Variants in TMPRSS9 observed in about 807,000 individuals in gnomAD.
TMPRSS9 encodes transmembrane serine protease 9.
TMPRSS9 carries 113 observed loss-of-function variants against 111.4 expected under a neutral mutation model. The ratio of observed to expected loss-of-function variants is 1.01; its 90% CI spans 0.87 to 1.19. The LOEUF is 1.19. Among genes scored for constraint, TMPRSS9 ranks in the 50% most tolerant of loss-of-function variants. The probability of loss-of-function intolerance (pLI) is 0.00; values close to 1 mark genes in which losing one functional copy is unlikely to be tolerated. For missense variants in TMPRSS9, 1,803 were observed against 1,513.1 expected, an observed-to-expected ratio of 1.19 and a Z score of -3.18; for synonymous variants, 805 against 659.1, an observed-to-expected ratio of 1.22 and a Z score of -3.39.
chr19:2,416,957 C>T (rs935007815), intron 12 of TMPRSS9, 148 bp downstream of exon 13: 3 of 1,114,520 alleles, frequency 2.7e-6, no homozygotes, highest in African/African-American at 3.2e-5. Context: ...TTTGGTCCCG[C>T]TGCCCACACA....
chr19:2,424,728 C>G (rs1385893543), intron 15 of TMPRSS9, among the ~76,000 whole-genome samples: 1 of 152,128 alleles, frequency 6.6e-6, no homozygotes, highest in Non-Finnish European at 1.5e-5. Context: ...CTCTGCAGGG[C>G]TGGAGGTCAG....
chr19:2,385,150 A>AGCTCGCGGAGGGCGGG (rs1306787550), upstream of TMPRSS9, among the ~76,000 whole-genome samples: 1 of 119,420 alleles, frequency 8.4e-6, no homozygotes, highest in Non-Finnish European at 1.7e-5. Context: ...CAGGGGGCGG[A>AGCTCGCGGAGGGCGGG]GCTCGCGGAG....
intron 1 of TMPRSS9, among the ~76,000 whole-genome samples, chr19:2,395,532 G>A (rs1004708561): frequency 2.0e-5 from 3 of 152,092 alleles, no homozygotes; most frequent in African/African-American, 7.2e-5. Flanking sequence ...TTTGAGACCA[G>A]CCTGGCCAAC....
chr19:2,381,505 A>T (rs1970384606), intron 1 of TMPRSS9, among the ~76,000 whole-genome samples: 1 of 151,920 alleles, frequency 6.6e-6, no homozygotes, highest in African/African-American at 2.4e-5. Flanking sequence ...GTCTGAAGGC[A>T]GTTCAACTCA....
intron 4 of TMPRSS9, among the ~76,000 whole-genome samples, chr19:2,399,850 A>T (rs1970792995): frequency 6.6e-6 from 1 of 151,524 alleles, no homozygotes; most frequent in Non-Finnish European, 1.5e-5. Context: ...CTCCCGACTC[A>T]CTCCCGAGTA....
At chr19:2,421,020 C>T (rs999469993) in intron 13 of TMPRSS9, among the ~76,000 whole-genome samples, 19 of 151,990 alleles carry the variant, frequency 1.3e-4, no homozygotes, top group African/African-American at 4.1e-4. Flanking sequence ...GCCTGGCCGA[C>T]GTGGTGAAGC....
chr19:2,408,107 CTG>C (rs1971009400), intron 7 of TMPRSS9, among the ~76,000 whole-genome samples: 1 of 143,718 alleles, frequency 7.0e-6, no homozygotes, highest in South Asian at 2.2e-4. Flanking sequence ...TTTTTAAAGA[CTG>C]TGTTTCGCTA....
At chr19:2,422,066 C>A in exon 14 of TMPRSS9, 1 of 1,610,688 alleles carries the variant, frequency 6.2e-7, no homozygotes, top group South Asian at 1.1e-5. Flanking sequence ...CCACCACCAG[C>A]CCCAGGACGA....
At chr19:2,363,265 G>C (rs1385654016) in intron 1 of TMPRSS9, among the ~76,000 whole-genome samples, 1 of 152,184 alleles carries the variant, frequency 6.6e-6, no homozygotes, top group African/African-American at 2.4e-5. Flanking sequence ...GGAGCTTGGA[G>C]AGTCCTTAGG....
intron 1 of TMPRSS9, among the ~76,000 whole-genome samples, chr19:2,393,620 C>G (rs569420043): frequency 1.3e-5 from 2 of 152,234 alleles, no homozygotes; most frequent in South Asian, 4.1e-4. Context: ...TTAGCCAGGG[C>G]CAGGCATAGT....
At chr19:2,370,996 T>C (rs1970285407) in intron 1 of TMPRSS9, among the ~76,000 whole-genome samples, 1 of 152,052 alleles carries the variant, frequency 6.6e-6, no homozygotes, top group Admixed American at 6.6e-5. Context: ...ATTATGTATC[T>C]TGATGACCGA....
chr19:2,378,336 G>A (rs548403276), intron 1 of TMPRSS9, among the ~76,000 whole-genome samples: 5 of 152,314 alleles, frequency 3.3e-5, no homozygotes, highest in East Asian at 1.9e-4. Flanking sequence ...TTTCAGTGCT[G>A]AACAGGGACA....
chr19:2,418,225 AT>A (rs984350108), intron 13 of TMPRSS9, 87 bp downstream of exon 14: 4 of 1,326,222 alleles, frequency 3.0e-6, no homozygotes, highest in Admixed American at 4.2e-5. Flanking sequence ...GCAGACCTAG[AT>A]TTTTTTCCTT....
At chr19:2,426,067 A>G in exon 18 of TMPRSS9, 14 of 1,608,634 alleles carry the variant, frequency 8.7e-6, no homozygotes, top group Non-Finnish European at 1.2e-5. Context: ...GAGGCTGGAT[A>G]GGACAGCACA....
intron 8 of TMPRSS9, among the ~76,000 whole-genome samples, chr19:2,409,564 G>T (rs1971052469): frequency 6.6e-6 from 1 of 152,118 alleles, no homozygotes; most frequent in African/African-American, 2.4e-5. Flanking sequence ...CTGACAGAGG[G>T]AAATGAATCC....
chr19:2,368,801 T>TA (rs869203147), intron 1 of TMPRSS9, among the ~76,000 whole-genome samples: 1 of 127,306 alleles, frequency 7.9e-6, no homozygotes, highest in Admixed American at 7.7e-5. Context: ...TTTTTTTTTT[T>TA]AAAGACAGAG....
intron 5 of TMPRSS9, 44 bp downstream of exon 6, chr19:2,402,060 CAG>C: frequency 6.3e-7 from 1 of 1,590,674 alleles, no homozygotes; most frequent in Non-Finnish European, 8.6e-7. Flanking sequence ...CAGTTACTGA[CAG>C]AGGTTTCCTA....
intron 10 of TMPRSS9, chr19:2,414,300 C>T (rs371374191): frequency 1.2e-3 from 305 of 264,076 alleles, no homozygotes; most frequent in African/African-American, 6.3e-3. Flanking sequence ...AGTGCAGTGG[C>T]GTGATCTCGG....
rs762535649 is a variant in TMPRSS9, at chr19:2,413,867, G to A, written c.1422G>A (p.Met474Ile). ...TGGAGGCCACCACCAAAGCCAGCAT[G>A]CCTCTGGCCCCCACCATGGCTCCTG... Residue 474 changes from methionine to isoleucine, a missense_variant, in exon 10 of 18, where the codon ATG becomes ATA. Coordinates refer to ENST00000648592, the Ensembl canonical transcript of TMPRSS9. 12 of 1,613,538 alleles carry A rather than the reference G, an allele frequency of 7.4e-6. No individual in the cohort carries two copies. The East Asian group carries it at 2.2e-4, about 30-fold the overall frequency.
Sources: allele counts gnomAD v4.1 joint callset (sites outside exome capture counted in the v4.1 genomes callset), GRCh38; gene constraint gnomAD v4.1.1; transcripts MANE v1.5; gene names NCBI Gene and HGNC (gene_info 2026-07-23, HGNC 2026-07-21).